CLCN4: variants seen among roughly 807,000 people sequenced by gnomAD.
CLCN4 encodes the protein Cl-/H+ antiporter 4, also known as H(+)/Cl(-) exchange transporter 4.
Under a neutral mutation model 41.7 loss-of-function variants are expected in CLCN4, and 1 was observed. The observed-to-expected ratio is 0.02, with a 90% CI of 0.01 to 0.11. CLCN4 has a LOEUF of 0.11. Among genes scored for constraint, CLCN4 ranks in the 10% least tolerant of loss-of-function variants. CLCN4 has a pLI of 1.00. For synonymous variants in CLCN4, 277 were observed against 285.8 expected (o/e 0.97, Z 0.31); for missense variants, 287 against 661.0 (o/e 0.43, Z 6.20).
chrX:10,170,652 G>A (rs1214452171), intron 2 of CLCN4, among the ~76,000 whole-genome samples: 1 of 111,233 alleles, frequency 9.0e-6, no homozygotes, highest in Non-Finnish European at 1.9e-5. Context: ...AAGCTCTGAG[G>A]GTGGGACCTG....
chrX:10,213,581 G>T (rs1310793541), intron 10 of CLCN4, 100 bp from the exon 11 acceptor site: 8 of 779,553 alleles, frequency 1.0e-5, no homozygotes, highest in Non-Finnish European at 1.5e-5. Context: ...TGGAACAGGT[G>T]TGAGGGGAAT....
In CLCN4 at chrX:10,213,931, G is replaced by T. The variant is rs200880003; in HGVS notation, c.1827G>T (p.Leu609=). Reference sequence around the variant, plus strand: ...GGCCCCGGCGGGGAGAGCCGCCACTGTCGGTGCTCACCCAGGACAGCATGA... The same window carrying T: ...GGCCCCGGCGGGGAGAGCCGCCACTTTCGGTGCTCACCCAGGACAGCATGA... ...VMRPRRGEPP[L]SVLTQDSMTV... Residue 609 remains leucine (L), a synonymous_variant, in exon 11 of 13, where the codon CTG becomes CTT. Coordinates refer to ENST00000380833, the MANE Select transcript of CLCN4 (RefSeq NM_001830.4). 8.3e-7 allele frequency: 1 copy of T among 1,210,949 alleles called. No homozygotes were observed. The highest frequency in any genetic ancestry group is 1.1e-6 in the Non-Finnish European group (1 of 895,397).
intron 6 of CLCN4, among the ~76,000 whole-genome samples, chrX:10,201,608 AAG>A (rs1924239764): frequency 8.9e-6 from 1 of 112,380 alleles, no homozygotes; most frequent in African/African-American, 3.2e-5. Context: ...CATTCTAGCA[AAG>A]ATATTGACTG....
intron 2 of CLCN4, among the ~76,000 whole-genome samples, chrX:10,164,762 C>T (rs1490940678): frequency 2.7e-5 from 3 of 112,062 alleles, no homozygotes; most frequent in Admixed American, 9.4e-5. Flanking sequence ...CCGGCTCAGT[C>T]GCAGCATCAC....
At position 10,206,426 on chromosome X, in the gene CLCN4, A is replaced by C; in HGVS notation, c.624A>C (p.Thr208=). The C allele has an allele frequency of 3.3e-6, 4 of 1,210,415 alleles. No homozygotes were observed. Residue 208 remains threonine, a synonymous_variant, in exon 7 of 13, where the codon ACA becomes ACC. Transcript: ENST00000380833. ...YLGKWTLLIK[T]VTLVLVVSSG... ...GGAAGTGGACCCTGCTAATCAAGACAGTCACGCTGGTGCTGGTAGTGTCCT... is the reference window on the plus strand; with the variant it reads ...GGAAGTGGACCCTGCTAATCAAGACCGTCACGCTGGTGCTGGTAGTGTCCT...
intron 2 of CLCN4, among the ~76,000 whole-genome samples, chrX:10,168,105 T>C (rs1481567676): frequency 8.9e-6 from 1 of 112,295 alleles, no homozygotes; most frequent in African/African-American, 3.2e-5. Flanking sequence ...TTAGGGCATA[T>C]TGAGGATGAG....
chrX:10,211,265 C>CAAAAAAAAAAA (rs71774120), intron 9 of CLCN4, among the ~76,000 whole-genome samples: 1 of 48,802 alleles, frequency 2.0e-5, no homozygotes, highest in Non-Finnish European at 3.3e-5. Flanking sequence ...GATTCCGTCT[C>CAAAAAAAAAAA]AAAAAAAAAA....
intron 11 of CLCN4, among the ~76,000 whole-genome samples, chrX:10,215,089 T>G (rs1439594600): frequency 8.9e-6 from 1 of 112,168 alleles, no homozygotes; most frequent in Non-Finnish European, 1.9e-5. Context: ...CCAGGGCCCA[T>G]GGCGTGGCTC....
chrX:10,228,275 C>A (rs1925039667), intron 12 of CLCN4, among the ~76,000 whole-genome samples: 1 of 108,007 alleles, frequency 9.3e-6, no homozygotes. Flanking sequence ...AGGTGAGACT[C>A]TAAGAAGCAA....
intron 12 of CLCN4, among the ~76,000 whole-genome samples, chrX:10,229,508 T>TA (rs768086822): frequency 6.0e-4 from 66 of 109,800 alleles, no homozygotes; most frequent in Non-Finnish European, 8.0e-4. Context: ...ACTCATCATT[T>TA]ACATTAGGTA....
At chrX:10,192,244 T>TACACACACACACAC (rs56033729) in intron 4 of CLCN4, among the ~76,000 whole-genome samples, 97 of 100,510 alleles carry the variant, frequency 9.7e-4, no homozygotes, top group African/African-American at 3.0e-3. Flanking sequence ...CTAGTGGAAG[T>TACACACACACACAC]ACACACACAC....
At chrX:10,164,170 G>T in intron 2 of CLCN4, among the ~76,000 whole-genome samples, 1 of 112,385 alleles carries the variant, frequency 8.9e-6, no homozygotes, top group Admixed American at 9.4e-5. Flanking sequence ...TCTCTGAGGG[G>T]TCGCACTTGA....
At chrX:10,212,758 G>A (rs889468112) in intron 10 of CLCN4, 105 bp downstream of exon 10, 8 of 777,350 alleles carry the variant, frequency 1.0e-5, no homozygotes, top group Admixed American at 9.8e-5. Flanking sequence ...ACTCAGGATA[G>A]GCTGGGTTGT....
chrX:10,172,662 TGAGAGA>T (rs774545518), intron 2 of CLCN4, among the ~76,000 whole-genome samples: 1 of 90,518 alleles, frequency 1.1e-5, no homozygotes, highest in Non-Finnish European at 2.1e-5. Context: ...TGTGTGTATG[TGAGAGA>T]GAGAGAGAGG....
intron 4 of CLCN4, among the ~76,000 whole-genome samples, chrX:10,190,072 G>A (rs779020800): frequency 2.0e-3 from 218 of 111,533 alleles, no homozygotes; most frequent in Admixed American, 6.5e-3. Flanking sequence ...GCTAGAGGGA[G>A]GGGTGGGGAC....
intron 12 of CLCN4, among the ~76,000 whole-genome samples, chrX:10,223,502 C>G (rs1374388077): frequency 1.8e-5 from 2 of 111,860 alleles, no homozygotes; most frequent in Non-Finnish European, 3.8e-5. Flanking sequence ...TGCTTGTCTG[C>G]GGGGCCTTTC....
intron 11 of CLCN4, among the ~76,000 whole-genome samples, chrX:10,217,987 C>T (rs1364460761): frequency 9.0e-6 from 1 of 111,210 alleles, no homozygotes; most frequent in Non-Finnish European, 1.9e-5. Flanking sequence ...AAGTGATCCG[C>T]CCACCTCAGC....
At chrX:10,225,678 C>T (rs1467285837) in intron 12 of CLCN4, among the ~76,000 whole-genome samples, 3 of 112,005 alleles carry the variant, frequency 2.7e-5, no homozygotes, top group South Asian at 3.7e-4. Context: ...ATGACTATGT[C>T]CTGAATGGTA....
At chrX:10,172,999 G>A (rs1923422543) in intron 2 of CLCN4, among the ~76,000 whole-genome samples, 1 of 111,634 alleles carries the variant, frequency 9.0e-6, no homozygotes, top group African/African-American at 3.3e-5. Context: ...TTTGAAGCTG[G>A]AGCAGGAAGG....
Sources: gnomAD v4.1 joint callset for allele counts (sites outside exome capture counted in the v4.1 genomes callset) on GRCh38, gnomAD v4.1.1 for gene constraint, MANE v1.5 for transcripts, NCBI Gene and HGNC (gene_info 2026-07-23, HGNC 2026-07-21) for gene names.